Variants in ROBO2 observed in about 807,000 individuals in gnomAD.
ROBO2 encodes roundabout guidance receptor 2.
ROBO2 carries 53 observed loss-of-function variants against 160.8 expected under a neutral mutation model. The observed-to-expected ratio is 0.33, with a 90% CI of 0.26 to 0.41. The LOEUF (loss-of-function observed/expected upper bound fraction) is 0.41. Among genes scored for constraint, ROBO2 ranks in the 10% least tolerant of loss-of-function variants. ROBO2 has a pLI of 1.00. For synonymous variants in ROBO2, 664 were observed against 611.7 expected, an observed-to-expected ratio of 1.09 and a Z score of -1.26; for missense variants, 1,577 against 1,722.4, an observed-to-expected ratio of 0.92 and a Z score of 1.49.
chr3:76,107,187 G>T (rs965339551), intron 2 of ROBO2, among the ~76,000 whole-genome samples: 7 of 152,078 alleles, frequency 4.6e-5, no homozygotes, highest in Non-Finnish European at 1.0e-4. Flanking sequence ...TCAAGTTGAG[G>T]TAGTTATTGT....
chr3:76,359,123 T>G (rs1171522766), intron 2 of ROBO2, among the ~76,000 whole-genome samples: 1 of 151,956 alleles, frequency 6.6e-6, no homozygotes, highest in Admixed American at 6.6e-5. Flanking sequence ...TATGGCTGCA[T>G]AGTATTCCAT....
intron 2 of ROBO2, among the ~76,000 whole-genome samples, chr3:76,087,649 TAAC>T (rs1322058063): frequency 4.6e-5 from 7 of 152,078 alleles, no homozygotes; most frequent in African/African-American, 1.2e-4. Flanking sequence ...ATTTATCTAA[TAAC>T]AGTTTATTCA....
intron 1 of ROBO2, among the ~76,000 whole-genome samples, chr3:75,930,972 A>G (rs1402986597): frequency 6.6e-6 from 1 of 152,144 alleles, no homozygotes; most frequent in African/African-American, 2.4e-5. Context: ...GTGATCTCTT[A>G]ACGTGTCTTT....
At chr3:76,376,720 A>G (rs532679926) in intron 2 of ROBO2, among the ~76,000 whole-genome samples, 3 of 152,212 alleles carry the variant, frequency 2.0e-5, no homozygotes, top group Admixed American at 2.0e-4. Flanking sequence ...GGTCTGGGGA[A>G]AGTTTTAAGG....
chr3:77,576,465 T>G lies in ROBO2; in HGVS notation c.2204-1025T>G, dbSNP rs78057971. Reference sequence around the variant, plus strand: ...CACCAAATTATTTGATATTTTAAACTGTTAAGAACGATGTTATGTAATACT... The same window carrying G: ...CACCAAATTATTTGATATTTTAAACGGTTAAGAACGATGTTATGTAATACT... On this transcript the variant is annotated intron_variant, in intron 14 of 25. Transcript: ENST00000461745. Among the ~76,000 whole-genome samples, 147 of 152,294 alleles carry G rather than the reference T, an allele frequency of 9.7e-4. 1 individual carries two copies. The highest frequency in any genetic ancestry group is 3.4e-3 in the African/African-American group (143 of 41,588).
intron 2 of ROBO2, among the ~76,000 whole-genome samples, chr3:76,122,711 A>G (rs2070801942): frequency 6.6e-6 from 1 of 152,064 alleles, no homozygotes; most frequent in Non-Finnish European, 1.5e-5. Context: ...ACACAGACTA[A>G]TGTATTTATC....
intron 2 of ROBO2, among the ~76,000 whole-genome samples, chr3:77,430,715 A>C (rs1170007156): frequency 1.3e-5 from 2 of 152,104 alleles, no homozygotes; most frequent in Non-Finnish European, 2.9e-5. Context: ...CTGCCAACTC[A>C]ACCTTGGACT....
chr3:76,114,907 T>G lies in ROBO2; in HGVS notation c.109+177305T>G, dbSNP rs77922504. Among the ~76,000 whole-genome samples the G allele has an allele frequency of 2.6e-4, 40 of 152,236 alleles. No homozygotes were observed. In the East Asian group the frequency reaches 7.1e-3, roughly 27 times the overall value. ...AACCTAATACTAAATGCAAATTGTCTTGGGCACTCAGAAGGTGAGATTGCT... is the reference window on the plus strand; with the variant it reads ...AACCTAATACTAAATGCAAATTGTCGTGGGCACTCAGAAGGTGAGATTGCT... On this transcript the variant is annotated intron_variant, in intron 2 of 26. Transcript: ENST00000487694.
chr3:77,528,403 A>G (rs1201355763), intron 6 of ROBO2, among the ~76,000 whole-genome samples: 1 of 151,368 alleles, frequency 6.6e-6, no homozygotes, highest in Non-Finnish European at 1.5e-5. Context: ...CACCTGATAT[A>G]TATGTTGGTT....
At chr3:76,610,727 G>A (rs149794887) in intron 2 of ROBO2, among the ~76,000 whole-genome samples, 1,648 of 150,908 alleles carry the variant, frequency 0.011, 35 homozygotes, top group African/African-American at 0.037. Flanking sequence ...TTTCTCCTGT[G>A]GTCCAGCGAG....
chr3:76,477,338 A>G (rs1016211551), intron 2 of ROBO2, among the ~76,000 whole-genome samples: 3 of 152,176 alleles, frequency 2.0e-5, no homozygotes, highest in Non-Finnish European at 2.9e-5. Context: ...AGCATTGTCC[A>G]TTCCAAATTA....
At chr3:76,880,832 A>G (rs887137803) in intron 2 of ROBO2, among the ~76,000 whole-genome samples, 9 of 152,326 alleles carry the variant, frequency 5.9e-5, no homozygotes, top group Admixed American at 1.3e-4. Flanking sequence ...CATTTTAAGC[A>G]TTCTTAGAAG....
At chr3:77,185,800 T>TAC (rs1010521984) in intron 2 of ROBO2, among the ~76,000 whole-genome samples, 5 of 127,540 alleles carry the variant, frequency 3.9e-5, no homozygotes, top group East Asian at 2.0e-4. Flanking sequence ...TAAACTGTGA[T>TAC]ACACACATAT....
At chr3:76,888,245 G>A (rs1345820945) in intron 2 of ROBO2, among the ~76,000 whole-genome samples, 1 of 152,110 alleles carries the variant, frequency 6.6e-6, no homozygotes, top group Non-Finnish European at 1.5e-5. Context: ...GTGCACGCCT[G>A]TAATCCCAGC....
At chr3:77,032,237 C>T (rs1466027448) in intron 2 of ROBO2, among the ~76,000 whole-genome samples, 2 of 152,062 alleles carry the variant, frequency 1.3e-5, no homozygotes, top group African/African-American at 2.4e-5. Flanking sequence ...TCACTGCTGG[C>T]GAATACATTA....
chr3:76,860,758 T>C (rs1054385143), intron 2 of ROBO2, among the ~76,000 whole-genome samples: 2 of 149,218 alleles, frequency 1.3e-5, no homozygotes, highest in African/African-American at 4.9e-5. Flanking sequence ...CTCTAAGATT[T>C]AACAACAAAC....
At chr3:77,293,855 T>C (rs2061644654) in intron 2 of ROBO2, among the ~76,000 whole-genome samples, 1 of 139,992 alleles carries the variant, frequency 7.1e-6, no homozygotes, top group African/African-American at 2.9e-5. Flanking sequence ...AGGCTGAGGC[T>C]AGATCACCCC....
chr3:76,448,264 A>G (rs892617178), intron 2 of ROBO2, among the ~76,000 whole-genome samples: 5 of 152,100 alleles, frequency 3.3e-5, no homozygotes, highest in African/African-American at 4.8e-5. Flanking sequence ...TAATATAAAC[A>G]TACATAATGA....
intron 2 of ROBO2, among the ~76,000 whole-genome samples, chr3:77,353,359 G>T (rs533309692): frequency 6.6e-6 from 1 of 152,144 alleles, no homozygotes; most frequent in Non-Finnish European, 1.5e-5. Flanking sequence ...AGCATAGTTG[G>T]AATTTCTTGA....
Sources: gnomAD v4.1 joint callset for allele counts (sites outside exome capture counted in the v4.1 genomes callset) on GRCh38, gnomAD v4.1.1 for gene constraint, MANE v1.5 for transcripts, NCBI Gene and HGNC (gene_info 2026-07-23, HGNC 2026-07-21) for gene names.